Variants in ZNF837 observed in about 807,000 individuals in gnomAD.
ZNF837 encodes zinc finger protein 837.
For missense variants in ZNF837, 955 were observed against 801.7 expected (o/e 1.19, Z -2.31); for synonymous variants, 475 against 365.2 (o/e 1.30, Z -3.43).
chr19:58,369,238 G>A lies in ZNF837; in HGVS notation c.95C>T (p.Pro32Leu), dbSNP rs1057040398. ...SGAREKRPEEPRPLEEDRAGS... is the reference protein window; with the variant it reads ...SGAREKRPEELRPLEEDRAGS... ...AGCTCGGTCCTCTTCGAGGGGCCTC[G>A]GCTCCTCGGGCCTCTTCTCCCGGGC... The change falls in exon 3 of 3, where the codon CCG (proline) becomes CTG (leucine). Residue 32 changes from proline (P) to leucine (L), a missense_variant. Coordinates refer to ENST00000597582, the MANE Select transcript of ZNF837 (RefSeq NM_138466.2). The A allele has an allele frequency of 1.4e-6, 2 of 1,424,834 alleles. No individual in the cohort carries two copies. The highest frequency in any genetic ancestry group is 2.8e-5 in the East Asian group (1 of 36,134). 88.3% of individuals were successfully genotyped at this position (1,424,834 alleles called of 1,614,324 possible).
rs2052232989 is a variant in ZNF837 at position 58,375,270 on chromosome 19, G to GTGTATA, written c.-139-5343_-139-5342insTATACA. On this transcript the variant is annotated intron_variant, in intron 1 of 2. Coordinates refer to ENST00000597582, the MANE Select transcript of ZNF837 (RefSeq NM_138466.2). The stretch of plus-strand genomic sequence containing the variant: ...GAATCTGTCTCAAAAAAAAAAAAAA[G>GTGTATA]TATATATATATATATATATATATAT... Among the ~76,000 whole-genome samples, 8 of 34,868 alleles carry GTGTATA rather than the reference G, an allele frequency of 2.3e-4. 1 individual carries two copies. The highest frequency in any genetic ancestry group is 1.2e-3 in the Admixed American group (5 of 4,260). 22.9% of individuals were successfully genotyped at this position (34,868 alleles called of 152,430 possible).
At chr19:58,376,368 C>T (rs1302023202) in intron 1 of ZNF837, among the ~76,000 whole-genome samples, 3 of 151,176 alleles carry the variant, frequency 2.0e-5, no homozygotes, top group South Asian at 2.1e-4. Flanking sequence ...CTGGCTAACA[C>T]GGTGAAACCC....
At chr19:58,369,527 T>C (rs970351144) in intron 2 of ZNF837, among the ~76,000 whole-genome samples, 166 bp from the exon 3 acceptor site, 1 of 151,692 alleles carries the variant, frequency 6.6e-6, no homozygotes, top group African/African-American at 2.4e-5. Flanking sequence ...GTCCTGCCCC[T>C]CTTCAAATTG....
chr19:58,368,560 G>T lies in ZNF837; in HGVS notation c.773C>A (p.Pro258His). Reference sequence around the variant, plus strand: ...CGGGGGGTCGGGGACAATAGGGCGAGGTCGCGAGGTTTGGCCGCACTCAGG... The same window carrying T: ...CGGGGGGTCGGGGACAATAGGGCGATGTCGCGAGGTTTGGCCGCACTCAGG... ...VCPECGQTSR[P>H]RPIVPDPPAQ... The change falls in exon 3 of 3, where the codon CCT becomes CAT. Residue 258 changes from proline (P) to histidine (H), a missense_variant. Coordinates refer to ENST00000597582, the MANE Select transcript of ZNF837 (RefSeq NM_138466.2). 6.5e-7 allele frequency: 1 copy of T among 1,537,058 alleles called. No homozygotes were observed.
chr19:58,371,061 G>A (rs1049526681), intron 1 of ZNF837, among the ~76,000 whole-genome samples: 1 of 151,982 alleles, frequency 6.6e-6, no homozygotes, highest in African/African-American at 2.4e-5. Context: ...CTAACACGGT[G>A]AAACCCCGTC....
Position 58,369,086 on chromosome 19 carries a change from C to T in ZNF837, c.247G>A (p.Gly83Arg), listed in dbSNP as rs908680699. ...SPGPGTRHSA[G>R]TRPLVREPCG... ...GGCTCCCGCACGAGGGGTCTGGTCC[C>T]GGCGCTGTGCCGGGTCCCCGGGCCG... Residue 83 changes from glycine (G) to arginine (R), a missense_variant, in exon 3 of 3, where the codon GGG becomes AGG. Physicochemically the swap from Gly to Arg is moderately radical, Grantham distance 125. Transcript: ENST00000597582. The T allele has an allele frequency of 5.3e-6, 8 of 1,513,684 alleles. No homozygotes were observed. The African/African-American group carries it at 1.1e-4, about 21-fold the overall frequency. The allele number at this position is 1,513,684 out of a possible 1,614,324, so 93.8% of individuals were successfully genotyped here. A position where few individuals can be genotyped will look rare whatever the true frequency, so the allele number is the denominator to read the frequency against.
At chr19:58,369,507 T>C (rs1022888709) in intron 2 of ZNF837, 146 bp from the exon 3 acceptor site, 8 of 572,174 alleles carry the variant, frequency 1.4e-5, no homozygotes, top group African/African-American at 7.8e-5. Context: ...TGGAGTGACA[T>C]AGGCAGCCCG....
chr19:58,368,783 T>A lies in ZNF837; in HGVS notation c.550A>T (p.Lys184Ter). The A allele has an allele frequency of 6.5e-7, 1 of 1,543,798 alleles. No homozygotes were observed. Among genetic ancestry groups the A allele is most frequent in the Non-Finnish European group, 8.7e-7 (1 of 1,146,612 alleles). Residue 184 changes from lysine (K) to a stop codon, truncating the protein, a stop_gained, in exon 3 of 3, where the codon AAG (lysine) becomes TAG (stop). Transcript: ENST00000597582. LOFTEE classifies it low-confidence loss of function (END_TRUNC). ...TGAPTCPRTP[K>*]PTSRGRNPLV... is the part of the protein sequence containing the mutation. ...GGGTTCCTCCCGCGGGAGGTCGGCT[T>A]TGGGGTCCTCGGGCAGGTCGGAGCG...
rs1281961632 is a variant in ZNF837 at position 58,368,125 on chromosome 19, C to G, written c.1208G>C (p.Arg403Pro). The G allele has an allele frequency of 1.3e-6, 2 of 1,580,622 alleles. No homozygotes were observed. The highest frequency in any genetic ancestry group is 1.8e-5 in the Admixed American group (1 of 55,438). The change falls in exon 3 of 3, where the codon CGC becomes CCC. Residue 403 changes from arginine (R) to proline (P), a missense_variant. Coordinates refer to ENST00000597582, the MANE Select transcript of ZNF837 (RefSeq NM_138466.2). ...CPECGKAFNQ[R>P]SNLSRHQRTH... ...GCGCTGGTGCCGGCTCAGGTTCGAG[C>G]GCTGGTTGAAGGCCTTGCCGCACTC...
At chr19:58,370,322 A>G (rs767212852) in intron 1 of ZNF837, among the ~76,000 whole-genome samples, 1 of 152,106 alleles carries the variant, frequency 6.6e-6, no homozygotes, top group African/African-American at 2.4e-5. Context: ...TTTGTTGTCA[A>G]ATCTCCTTAT....
chr19:58,368,175 G>T lies in ZNF837; in HGVS notation c.1158C>A (p.Thr386=). 1 of 1,581,196 alleles carries T rather than the reference G, an allele frequency of 6.3e-7. No individual in the cohort carries two copies. Residue 386 remains threonine, a synonymous_variant, in exon 3 of 3, where the codon ACC becomes ACA. Coordinates refer to ENST00000597582, the MANE Select transcript of ZNF837 (RefSeq NM_138466.2). ...CGGGGCACGCGTAGGGCTTCTCGCC[G>T]GTGTGCACGCGCCGGTGCTCCACGA... ...SHLVEHRRVH[T]GEKPYACPEC...
At chr19:58,379,067 TAG>T (rs1357418541) in intron 1 of ZNF837, among the ~76,000 whole-genome samples, 2 of 152,228 alleles carry the variant, frequency 1.3e-5, no homozygotes, top group African/African-American at 2.4e-5. Context: ...CAGAAACTAA[TAG>T]AGACTGGTCT....
chr19:58,372,433 C>T (rs1033134273), intron 1 of ZNF837, among the ~76,000 whole-genome samples: 1 of 151,510 alleles, frequency 6.6e-6, no homozygotes, highest in African/African-American at 2.4e-5. Context: ...TTGGGGAGTC[C>T]GGGGGGGGCG....
intron 1 of ZNF837, among the ~76,000 whole-genome samples, chr19:58,372,440 G>GC (rs951396224): frequency 1.5e-4 from 23 of 152,162 alleles, no homozygotes; most frequent in African/African-American, 5.1e-4. Context: ...GTCCGGGGGG[G>GC]GCGGATCACG....
Position 58,368,875 on chromosome 19 carries a change from T to C in ZNF837, c.458A>G (p.Gln153Arg), listed in dbSNP as rs7256940. The part of the protein sequence containing the change: ...PVCDPCPERI[Q>R]NHPRTQLCEV... ...ACACAGTTGAGTCCGGGGGTGGTTC[T>C]GGATCCGCTCCGGACAGGGGTCACA... Residue 153 changes from glutamine to arginine, a missense_variant, in exon 3 of 3, where the codon CAG becomes CGG. Physicochemically the swap from Gln to Arg is conservative, Grantham distance 43 (BLOSUM62 1). Transcript: ENST00000597582. 139,765 of 1,547,672 alleles carry C rather than the reference T, an allele frequency of 0.09. 8,599 individuals are homozygous for C. The highest frequency in any genetic ancestry group is 0.35 in the East Asian group (14,335 of 40,858).
In ZNF837 at chr19:58,368,289, G is replaced by C; in HGVS notation, c.1044C>G (p.Ser348Arg). The change falls in exon 3 of 3, where the codon AGC becomes AGG. Residue 348 changes from serine (S) to arginine (R), a missense_variant. Physicochemically the swap from Ser to Arg is moderately radical, Grantham distance 110. Transcript: ENST00000597582. ...CCGACCCCCGTCGGGGACTCCGCTC[G>C]CTGTAGTCCCCGCAGGGCGGGCACC... The part of the protein sequence containing the change: ...RLGCPPCGDY[S>R]ERSPRRGSGA... 6.8e-7 allele frequency: 1 copy of C among 1,480,802 alleles called. No homozygotes were observed. The highest frequency in any genetic ancestry group is 1.3e-5 in the South Asian group (1 of 74,530). The allele number at this position is 1,480,802 out of a possible 1,614,324, so 91.7% of individuals were successfully genotyped here.
chr19:58,371,109 C>G (rs1367907915), intron 1 of ZNF837, among the ~76,000 whole-genome samples: 1 of 151,344 alleles, frequency 6.6e-6, no homozygotes, highest in Non-Finnish European at 1.5e-5. Flanking sequence ...GGCGTGGTGG[C>G]GGGCGCCTGT....
At chr19:58,380,019 A>C (rs1056342396) in intron 1 of ZNF837, among the ~76,000 whole-genome samples, 1 of 128,536 alleles carries the variant, frequency 7.8e-6, no homozygotes, top group Non-Finnish European at 1.9e-5. Context: ...CAACAACAAC[A>C]ACAAAAACAG....
At chr19:58,376,522 T>C (rs1599926944) in intron 1 of ZNF837, among the ~76,000 whole-genome samples, 1 of 109,612 alleles carries the variant, frequency 9.1e-6, no homozygotes, top group Middle Eastern at 0.014. Flanking sequence ...GCCACTACAC[T>C]CCAGCCTGGG....
Sources: allele counts gnomAD v4.1 joint callset (sites outside exome capture counted in the v4.1 genomes callset), GRCh38; gene constraint gnomAD v4.1.1; transcripts MANE v1.5; gene names NCBI Gene and HGNC (gene_info 2026-07-23, HGNC 2026-07-21).